SKOR2: variants seen among roughly 807,000 people sequenced by gnomAD.
SKOR2 encodes SKI family transcriptional corepressor 2.
Under a neutral mutation model 69.1 loss-of-function variants are expected in SKOR2, and 47 were observed. That is an observed-to-expected ratio of 0.68 (90% CI 0.54 to 0.87). The LOEUF (loss-of-function observed/expected upper bound fraction) is 0.87, where lower values mean the gene tolerates loss of function less well. Among genes scored for constraint, SKOR2 ranks in the 40% least tolerant of loss-of-function variants. SKOR2 has a pLI of 0.00. For missense variants in SKOR2, 1,404 were observed against 1,472.2 expected, an observed-to-expected ratio of 0.95 and a Z score of 0.76; for synonymous variants, 717 against 672.6, an observed-to-expected ratio of 1.07 and a Z score of -1.02.
At chr18:47,239,801 A>G (rs929198764) in intron 4 of SKOR2, among the ~76,000 whole-genome samples, 49 of 152,222 alleles carry the variant, frequency 3.2e-4, no homozygotes, top group Admixed American at 6.5e-5. Flanking sequence ...TTCAAAATAC[A>G]TTGTACATAA....
intron 4 of SKOR2, among the ~76,000 whole-genome samples, chr18:47,241,585 G>A (rs757171540): frequency 6.6e-6 from 1 of 151,824 alleles, no homozygotes; most frequent in Admixed American, 6.6e-5. Flanking sequence ...ACACTTACTG[G>A]TGTTTAAAAC....
At chr18:47,227,907 T>C (rs2064184335) in intron 6 of SKOR2, among the ~76,000 whole-genome samples, 1 of 152,196 alleles carries the variant, frequency 6.6e-6, no homozygotes, top group Admixed American at 6.5e-5. Context: ...TGAGCCTAGA[T>C]TCTTAATTCT....
Position 47,247,471 on chromosome 18 carries a change from C to T in SKOR2, c.1713G>A (p.Ala571=), listed in dbSNP as rs2064284840. 3.3e-6 allele frequency: 4 copies of T among 1,222,444 alleles called. No individual in the cohort carries two copies. Among genetic ancestry groups the T allele is most frequent in the Non-Finnish European group, 4.1e-6 (4 of 982,708 alleles). The allele number at this position is 1,222,444 out of a possible 1,614,324, so 75.7% of individuals were successfully genotyped here. A position where few individuals can be genotyped will look rare whatever the true frequency, so the allele number is the denominator to read the frequency against. The change falls in exon 2 of 9, where the codon GCG becomes GCA. Residue 571 remains alanine, a synonymous_variant. Transcript: ENST00000425639. This position sits in a 1 kb window ranked among gnomAD's most constrained non-coding sequence, Gnocchi z 6.6. ...PPGGSGGDCS[A]GSTPPADSVA... Reference sequence around the variant, plus strand: ...CAGAGTCCGCGGGCGGCGTGGAGCCCGCGCTGCAGTCCCCGCCGCTGCCGC... The same window carrying T: ...CAGAGTCCGCGGGCGGCGTGGAGCCTGCGCTGCAGTCCCCGCCGCTGCCGC...
chr18:47,246,432 C>A (rs1329208991), intron 2 of SKOR2, 139 bp downstream of exon 2: 13 of 1,121,768 alleles, frequency 1.2e-5, no homozygotes, highest in Non-Finnish European at 1.4e-5. Flanking sequence ...GGAAAGAAGC[C>A]CTCCTAAACA....
intron 8 of SKOR2, among the ~76,000 whole-genome samples, chr18:47,210,211 G>T (rs1028063655): frequency 6.6e-6 from 1 of 152,178 alleles, no homozygotes; most frequent in Non-Finnish European, 1.5e-5. Context: ...TTTTACCATC[G>T]TTGGGGGTAG....
At chr18:47,213,624 A>C (rs1389211116) in intron 7 of SKOR2, among the ~76,000 whole-genome samples, 1 of 152,028 alleles carries the variant, frequency 6.6e-6, no homozygotes, top group African/African-American at 2.4e-5. Context: ...TAATAAAATA[A>C]TCATCTCGCT....
chr18:47,246,997 C>G lies in SKOR2; in HGVS notation c.2187G>C (p.Glu729Asp), dbSNP rs1373029156. ...PGGTSCCYPS[E>D]DSSEDEDDEE... ...CGTCGTCCTCGTCCTCGGAGCTGTC[C>G]TCGCTGGGGTAGCAGCAGCTGGTTC... Residue 729 changes from glutamate to aspartate, a missense_variant, in exon 2 of 9, where the codon GAG (glutamate) becomes GAC (aspartate). Physicochemically the swap from Glu to Asp is conservative, Grantham distance 45. This residue lies in a region of SKOR2 where 1,266 missense variants were observed against 1,309.9 expected (regional missense o/e 0.97). Transcript: ENST00000425639. 6.7e-7 allele frequency: 1 copy of G among 1,498,512 alleles called. No homozygotes were observed. Among genetic ancestry groups the G allele is most frequent in the South Asian group, 1.2e-5 (1 of 80,266 alleles). 92.8% of individuals were successfully genotyped at this position (1,498,512 alleles called of 1,614,324 possible). A position where few individuals can be genotyped will look rare whatever the true frequency, so the allele number is the denominator to read the frequency against.
chr18:47,223,929 A>G (rs574858743), intron 6 of SKOR2, among the ~76,000 whole-genome samples: 68 of 151,272 alleles, frequency 4.5e-4, no homozygotes, highest in South Asian at 1.9e-3. Flanking sequence ...AATTTGAGGC[A>G]GAGTCTCACT....
chr18:47,210,320 T>C (rs1233680021), intron 8 of SKOR2, among the ~76,000 whole-genome samples: 2 of 152,138 alleles, frequency 1.3e-5, no homozygotes, highest in African/African-American at 4.8e-5. Flanking sequence ...TTTTTGTTTT[T>C]GTTTTCATTG....
intron 4 of SKOR2, among the ~76,000 whole-genome samples, chr18:47,238,614 C>T (rs2668774): frequency 0.095 from 14,502 of 152,122 alleles, 801 homozygotes; most frequent in East Asian, 0.14. Flanking sequence ...TGAGCCACTG[C>T]GCTTGGCCAA....
At chr18:47,211,776 TTGGGGCAGTAAC>T (rs1245614405) in intron 8 of SKOR2, among the ~76,000 whole-genome samples, 1 of 152,200 alleles carries the variant, frequency 6.6e-6, no homozygotes, top group East Asian at 1.9e-4. Flanking sequence ...TTTGGTTTCC[TTGGGGCAGTAAC>T]TGGGGTGTCA....
chr18:47,215,145 T>C (rs984686930), intron 7 of SKOR2, among the ~76,000 whole-genome samples: 1 of 152,066 alleles, frequency 6.6e-6, no homozygotes, highest in Non-Finnish European at 1.5e-5. Flanking sequence ...TGCACAACAG[T>C]AGATCAATAA....
intron 8 of SKOR2, among the ~76,000 whole-genome samples, chr18:47,208,237 G>A (rs1282172322): frequency 6.6e-6 from 1 of 152,200 alleles, no homozygotes; most frequent in Non-Finnish European, 1.5e-5. Flanking sequence ...GACCTGGATT[G>A]AATCCTGTAT....
chr18:47,247,549 A>T lies in SKOR2; in HGVS notation c.1635T>A (p.Pro545=). 1 of 1,223,254 alleles carries T rather than the reference A, an allele frequency of 8.2e-7. No individual in the cohort carries two copies. Among genetic ancestry groups the T allele is most frequent in the Non-Finnish European group, 1.0e-6 (1 of 983,556 alleles). 75.8% of individuals were successfully genotyped at this position (1,223,254 alleles called of 1,614,324 possible). ...GAGAGCCGGCGCCCCCGGCAGGAGG[A>T]GGTGGGCCGGAGCCCGGGCCGTTGG... ...VVANGPGSGP[P]PPAGGAGSRD... Residue 545 remains proline (P), a synonymous_variant, in exon 2 of 9, where the codon CCT becomes CCA. Coordinates refer to ENST00000425639, the MANE Select transcript of SKOR2 (RefSeq NM_001278063.4). The surrounding 1 kb of genome is among the most constrained non-coding windows in gnomAD (Gnocchi z 6.6).
chr18:47,209,298 T>G (rs1381539415), intron 8 of SKOR2, among the ~76,000 whole-genome samples: 1 of 152,128 alleles, frequency 6.6e-6, no homozygotes, highest in Non-Finnish European at 1.5e-5. Flanking sequence ...ACCTTAAGGG[T>G]CACTCTTGCA....
At chr18:47,244,491 A>G (rs933886883) in intron 4 of SKOR2, among the ~76,000 whole-genome samples, 1 of 152,210 alleles carries the variant, frequency 6.6e-6, no homozygotes, top group Non-Finnish European at 1.5e-5. Context: ...ATTTTTGTAA[A>G]TGTATTATAC....
intron 4 of SKOR2, among the ~76,000 whole-genome samples, chr18:47,236,586 T>C (rs2064224653): frequency 6.6e-6 from 1 of 152,172 alleles, no homozygotes; most frequent in African/African-American, 2.4e-5. Flanking sequence ...AATGCCCTTA[T>C]AAAAGAAACC....
intron 4 of SKOR2, among the ~76,000 whole-genome samples, chr18:47,232,521 A>C (rs560946465): frequency 6.6e-6 from 1 of 152,324 alleles, no homozygotes; most frequent in African/African-American, 2.4e-5. Context: ...GAACAAACAA[A>C]GGGGCTCTGA....
chr18:47,238,125 G>C (rs1020101624), intron 4 of SKOR2, among the ~76,000 whole-genome samples: 2 of 152,020 alleles, frequency 1.3e-5, no homozygotes, highest in African/African-American at 4.8e-5. Flanking sequence ...ATCACTGAAA[G>C]GGCTATTATG....
Sources: allele counts gnomAD v4.1 joint callset (sites outside exome capture counted in the v4.1 genomes callset), GRCh38; gene constraint gnomAD v4.1.1; regional missense constraint gnomAD v4.1.1; non-coding constraint Gnocchi (gnomAD v3.1); transcripts MANE v1.5; gene names NCBI Gene and HGNC (gene_info 2026-07-23, HGNC 2026-07-21).